Variants in ADAMTS2 observed in about 807,000 individuals in gnomAD.
ADAMTS2 encodes the protein ADAM metallopeptidase with thrombospondin type 1 motif 2, also known as A disintegrin and metalloproteinase with thrombospondin motifs 2.
Under a neutral mutation model 123.0 loss-of-function variants are expected in ADAMTS2, and 50 were observed. That is an observed-to-expected ratio of 0.41 (90% CI 0.32 to 0.51). The LOEUF is 0.51. Among genes scored for constraint, ADAMTS2 ranks in the 20% least tolerant of loss-of-function variants. The probability of loss-of-function intolerance (pLI) is 0.35; values close to 1 mark genes in which losing one functional copy is unlikely to be tolerated. For missense variants in ADAMTS2, 1,494 were observed against 1,705.2 expected, an observed-to-expected ratio of 0.88 and a Z score of 2.18; for synonymous variants, 678 against 695.4, an observed-to-expected ratio of 0.98 and a Z score of 0.39.
At chr5:179,239,535 T>A (rs1020414977) in intron 3 of ADAMTS2, among the ~76,000 whole-genome samples, 2 of 151,924 alleles carry the variant, frequency 1.3e-5, no homozygotes, top group Non-Finnish European at 2.9e-5. Flanking sequence ...CAGAGACAGA[T>A]GAGGTGCAGA....
intron 4 of ADAMTS2, among the ~76,000 whole-genome samples, chr5:179,199,479 G>A (rs1480842996): frequency 6.6e-6 from 1 of 152,218 alleles, no homozygotes; most frequent in Non-Finnish European, 1.5e-5. Flanking sequence ...ATTGGCCGTG[G>A]CCATACGCTC....
chr5:179,206,910 T>G (rs1395471344), intron 4 of ADAMTS2, among the ~76,000 whole-genome samples: 1 of 152,138 alleles, frequency 6.6e-6, no homozygotes, highest in Non-Finnish European at 1.5e-5. Context: ...GACACCCCTT[T>G]CAATAGCCCA....
At chr5:179,196,804 A>G (rs1251967535) in intron 4 of ADAMTS2, among the ~76,000 whole-genome samples, 1 of 152,220 alleles carries the variant, frequency 6.6e-6, no homozygotes, top group African/African-American at 2.4e-5. Flanking sequence ...TGTGGGCCAT[A>G]TGGTTTCTGT....
At chr5:179,246,871 T>C (rs187565543) in intron 3 of ADAMTS2, among the ~76,000 whole-genome samples, 9 of 152,026 alleles carry the variant, frequency 5.9e-5, no homozygotes, top group Admixed American at 5.2e-4. Flanking sequence ...TTTAGAAAAA[T>C]CACTAAACAA....
Position 179,189,271 on chromosome 5 carries a change from C to A in ADAMTS2, c.892-8116G>T, listed in dbSNP as rs1444298917. Among the ~76,000 whole-genome samples, 1 of 152,004 alleles carries A rather than the reference C, an allele frequency of 6.6e-6. No individual in the cohort carries two copies. On this transcript the variant is annotated intron_variant, in intron 4 of 21. Coordinates refer to ENST00000251582, the MANE Select transcript of ADAMTS2 (RefSeq NM_014244.5). This position sits in a 1 kb window ranked among gnomAD's most constrained non-coding sequence, Gnocchi z 4.2. ...TCACCTGGGTGCAGGTGGGCTGAGT[C>A]CAAAAAGAGAGTCAGCAAAGGGTGG...
chr5:179,181,601 C>T lies in ADAMTS2; in HGVS notation c.892-446G>A, dbSNP rs762724351. 5.9e-5 allele frequency among the ~76,000 whole-genome samples: 9 copies of T among 152,166 alleles called. No homozygotes were observed. The highest frequency in any genetic ancestry group is 1.3e-4 in the Non-Finnish European group (9 of 68,036). On this transcript the variant is annotated intron_variant, in intron 4 of 21. Transcript: ENST00000251582. The surrounding 1 kb of genome is among the most constrained non-coding windows in gnomAD (Gnocchi z 4.1). ...GGTGGGTGTGGGGATTACCTACCTGCATCGCTACTTGGAAATGGGGGCGGT... is the reference window on the plus strand; with the variant it reads ...GGTGGGTGTGGGGATTACCTACCTGTATCGCTACTTGGAAATGGGGGCGGT...
Position 179,135,979 on chromosome 5 carries a change from C to A in ADAMTS2, c.2015G>T (p.Arg672Leu), listed in dbSNP as rs200806292. 91 of 1,613,468 alleles carry A rather than the reference C, an allele frequency of 5.6e-5. 1 individual carries two copies. In the East Asian group the frequency reaches 1.9e-3, roughly 34 times the overall value. The change falls in exon 13 of 22, where the codon CGC becomes CTC. Residue 672 changes from arginine to leucine, a missense_variant. Arg to Leu is a moderately radical substitution (Grantham distance 102, BLOSUM62 -2). Coordinates refer to ENST00000251582, the MANE Select transcript of ADAMTS2 (RefSeq NM_014244.5). ...GCAGCGCGTCCCGTCATGCACCATG[C>A]GCTTCATGGACACCACCTCCCCGGT... ...RETGEVVSMK[R>L]MVHDGTRCSY...
intron 10 of ADAMTS2, chr5:179,151,245 C>T (rs765035541): frequency 8.7e-5 from 14 of 161,254 alleles, no homozygotes; most frequent in Non-Finnish European, 1.9e-4. Flanking sequence ...GAATTTTTAC[C>T]ATAGTTTAAA....
rs1228956815 is a variant in ADAMTS2 at position 179,155,981 on chromosome 5, T to C, written c.1133-1062A>G. On this transcript the variant is annotated intron_variant, in intron 6 of 21. Transcript: ENST00000251582. This position sits in a 1 kb window ranked among gnomAD's most constrained non-coding sequence, Gnocchi z 5.1. The stretch of plus-strand genomic sequence containing the variant: ...ATCTAACCCTTGTCTTTTCCCGTTG[T>C]AATAAACAGGAAAATCTGCATTTTT... 6.6e-6 allele frequency among the ~76,000 whole-genome samples: 1 copy of C among 152,166 alleles called. No individual in the cohort carries two copies. Among genetic ancestry groups the C allele is most frequent in the Non-Finnish European group, 1.5e-5 (1 of 68,026 alleles).
At chr5:179,191,199 G>A (rs575180531) in intron 4 of ADAMTS2, among the ~76,000 whole-genome samples, 29 of 152,364 alleles carry the variant, frequency 1.9e-4, no homozygotes, top group Admixed American at 1.3e-3. Context: ...GGGAAAGGCC[G>A]AGAAAAGTCA....
intron 3 of ADAMTS2, among the ~76,000 whole-genome samples, chr5:179,253,523 G>A (rs1262187010): frequency 6.6e-6 from 1 of 151,938 alleles, no homozygotes; most frequent in African/African-American, 2.4e-5. Flanking sequence ...GCACATGCCT[G>A]TAATCCCAGC....
At chr5:179,344,202 G>A (rs966452673) in intron 1 of ADAMTS2, 41 bp from the exon 2 acceptor site, 6 of 1,543,050 alleles carry the variant, frequency 3.9e-6, no homozygotes, top group Non-Finnish European at 5.2e-6. Flanking sequence ...AGACCACGGA[G>A]CCCCAGTGCC....
Position 179,345,274 on chromosome 5 carries a change from G to GCAT in ADAMTS2, c.54_55insATG (p.Leu18_Leu19insMet). On this transcript the variant is annotated inframe_insertion, in exon 1 of 22. Transcript: ENST00000251582. This position sits in a 1 kb window ranked among gnomAD's most constrained non-coding sequence, Gnocchi z 7.5. ...AGCGGCGGCGGCAGCAGCAGCAGCA[G>GCAT]CAGCAGCAGCGCGGGGCAGAGCAGG... The GCAT allele has an allele frequency of 4.3e-6, 5 of 1,159,560 alleles. No homozygotes were observed. The highest frequency in any genetic ancestry group is 5.3e-6 in the Non-Finnish European group (5 of 946,372). 71.8% of individuals were successfully genotyped at this position (1,159,560 alleles called of 1,614,324 possible).
chr5:179,198,892 C>A (rs988329826), intron 4 of ADAMTS2, among the ~76,000 whole-genome samples: 1 of 151,992 alleles, frequency 6.6e-6, no homozygotes, highest in South Asian at 2.1e-4. Context: ...CAAGGGCCCG[C>A]CCCCTGCCTG....
rs547337321 is a variant in ADAMTS2 at position 179,225,017 on chromosome 5, G to A, written c.689-17302C>T. On this transcript the variant is annotated intron_variant, in intron 3 of 21. Coordinates refer to ENST00000251582, the MANE Select transcript of ADAMTS2 (RefSeq NM_014244.5). The surrounding 1 kb of genome is among the most constrained non-coding windows in gnomAD (Gnocchi z 4.5). ...TGAAGCTTCCCGGGCCGCAGTTCAC[G>A]CCCCACTTGTTTCTCCACATCCCTT... 2.9e-4 allele frequency among the ~76,000 whole-genome samples: 44 copies of A among 152,282 alleles called. No homozygotes were observed. The highest frequency in any genetic ancestry group is 1.5e-3 in the Admixed American group (23 of 15,300).
Position 179,176,155 on chromosome 5 carries a change from G to A in ADAMTS2, c.975+4917C>T, listed in dbSNP as rs527391682. 5.8e-4 allele frequency among the ~76,000 whole-genome samples: 88 copies of A among 152,216 alleles called. 1 individual carries two copies. Among genetic ancestry groups the A allele is most frequent in the Non-Finnish European group, 9.0e-4 (61 of 68,006 alleles). On this transcript the variant is annotated intron_variant, in intron 5 of 21. Transcript: ENST00000251582. ...TTTAGGGAAATGTGCTTCTTTTTCCGCCTTTAAATACAATCTTGGTTGTCC... is the reference window on the plus strand; with the variant it reads ...TTTAGGGAAATGTGCTTCTTTTTCCACCTTTAAATACAATCTTGGTTGTCC...
At chr5:179,156,441 C>G (rs10041737) in intron 6 of ADAMTS2, among the ~76,000 whole-genome samples, 27,439 of 149,414 alleles carry the variant, frequency 0.18, 3,125 homozygotes, top group African/African-American at 0.33. Context: ...CTCACTGCAA[C>G]CTCCGCCTCC....
At position 179,175,602 on chromosome 5, in the gene ADAMTS2, C is replaced by A. The variant is rs998183237; in HGVS notation, c.975+5470G>T. ...ACTACCAAGGCTGTTGTTTTTGGTT[C>A]ACACAGAAGCTACTGATTTTTTAAA... On this transcript the variant is annotated intron_variant, in intron 5 of 21. Transcript: ENST00000251582. The surrounding 1 kb of genome is among the most constrained non-coding windows in gnomAD (Gnocchi z 4.1). Among the ~76,000 whole-genome samples, 1 of 152,180 alleles carries A rather than the reference C, an allele frequency of 6.6e-6. No homozygotes were observed. Among genetic ancestry groups the A allele is most frequent in the African/African-American group, 2.4e-5 (1 of 41,442 alleles).
At chr5:179,247,795 A>C (rs1199368098) in intron 3 of ADAMTS2, among the ~76,000 whole-genome samples, 1 of 48,952 alleles carries the variant, frequency 2.0e-5, no homozygotes, top group Non-Finnish European at 1.2e-4. Context: ...TCAAAAATAC[A>C]AGAAAAATTA....
Sources: allele counts gnomAD v4.1 joint callset (sites outside exome capture counted in the v4.1 genomes callset), GRCh38; gene constraint gnomAD v4.1.1; non-coding constraint Gnocchi (gnomAD v3.1); transcripts MANE v1.5; gene names NCBI Gene and HGNC (gene_info 2026-07-23, HGNC 2026-07-21).